Variants in BLTP1 observed in about 807,000 individuals in gnomAD.
BLTP1 encodes the protein bridge-like lipid transfer protein family member 1.
chr4:122,284,778 G>T, the BLTP1 span, among the ~76,000 whole-genome samples: 2 of 152,084 alleles, frequency 1.3e-5, no homozygotes, highest in Non-Finnish European at 2.9e-5. Flanking sequence ...ATCTCTTGTT[G>T]TGCCTGATTT....
At chr4:122,196,382 G>A in the BLTP1 span, among the ~76,000 whole-genome samples, 1 of 152,078 alleles carries the variant, frequency 6.6e-6, no homozygotes, top group Non-Finnish European at 1.5e-5. Context: ...TTATATACTT[G>A]TAGAGAGTCT....
chr4:122,232,682 G>A, the BLTP1 span, among the ~76,000 whole-genome samples: 3 of 152,084 alleles, frequency 2.0e-5, no homozygotes, highest in South Asian at 6.2e-4. Context: ...TATAGAAGAG[G>A]AACACTGAAC....
chr4:122,205,499 T>TTC, the BLTP1 span, among the ~76,000 whole-genome samples: 11,624 of 140,794 alleles, frequency 0.083, 612 homozygotes, highest in African/African-American at 0.12. Context: ...TTCCAATTGT[T>TTC]TCTCTCTCTC....
the BLTP1 span, chr4:122,261,852 T>C: frequency 2.0e-6 from 2 of 985,412 alleles, no homozygotes; most frequent in Non-Finnish European, 2.4e-6. Context: ...GTCAACACCC[T>C]TCCTCCACCT....
the BLTP1 span, among the ~76,000 whole-genome samples, chr4:122,352,365 T>C: frequency 1.4e-5 from 2 of 147,732 alleles, no homozygotes; most frequent in East Asian, 1.9e-4. Context: ...CTTTTTTTTT[T>C]TTTTTTTTTT....
the BLTP1 span, chr4:122,359,757 A>ATGGGT: frequency 4.5e-6 from 7 of 1,561,852 alleles, no homozygotes; most frequent in Non-Finnish European, 6.0e-6. Context: ...CCCATATGCT[A>ATGGGT]AGGGATTACT....
the BLTP1 span, chr4:122,250,442 C>T: frequency 6.2e-7 from 1 of 1,613,776 alleles, no homozygotes; most frequent in Non-Finnish European, 8.5e-7. Context: ...GGGTGGAGTG[C>T]TGACATCCAA....
At chr4:122,203,115 G>C in the BLTP1 span, among the ~76,000 whole-genome samples, 1 of 151,802 alleles carries the variant, frequency 6.6e-6, no homozygotes, top group African/African-American at 2.4e-5. Flanking sequence ...GAACCTACTT[G>C]GTCATAGTGT....
At chr4:122,220,280 C>T in the BLTP1 span, 1 of 1,580,090 alleles carries the variant, frequency 6.3e-7, no homozygotes, top group Non-Finnish European at 8.6e-7. Flanking sequence ...TCCTATACTT[C>T]CTTACTTTTT....
At chr4:122,207,242 G>A in the BLTP1 span, 1 of 1,609,124 alleles carries the variant, frequency 6.2e-7, no homozygotes, top group East Asian at 2.2e-5. Context: ...TGGATCGACT[G>A]TTCTACTAAA....
At chr4:122,336,332 C>A in the BLTP1 span, 1 of 1,609,072 alleles carries the variant, frequency 6.2e-7, no homozygotes, top group South Asian at 1.1e-5. Flanking sequence ...CCCAATTACA[C>A]CAGTTGAAAG....
At chr4:122,361,540 AATC>A in the BLTP1 span, among the ~76,000 whole-genome samples, 2 of 152,174 alleles carry the variant, frequency 1.3e-5, no homozygotes, top group Non-Finnish European at 2.9e-5. Flanking sequence ...CTGTTGGATA[AATC>A]ATCAATACAG....
At chr4:122,190,950 G>GTGCA in the BLTP1 span, among the ~76,000 whole-genome samples, 1 of 152,146 alleles carries the variant, frequency 6.6e-6, no homozygotes, top group Non-Finnish European at 1.5e-5. Flanking sequence ...TGTGCTAATG[G>GTGCA]TGCAGAGCAA....
chr4:122,287,482 A>T, the BLTP1 span: 1 of 610,218 alleles, frequency 1.6e-6, no homozygotes, highest in Admixed American at 6.3e-5. Flanking sequence ...CCTAGCTATC[A>T]ACTGAGAGAG....
At chr4:122,253,767 G>A in the BLTP1 span, among the ~76,000 whole-genome samples, 4 of 152,094 alleles carry the variant, frequency 2.6e-5, no homozygotes, top group African/African-American at 4.8e-5. Context: ...CCCAAACCTT[G>A]AGAAAGATAT....
the BLTP1 span, among the ~76,000 whole-genome samples, chr4:122,242,653 T>G: frequency 6.6e-6 from 1 of 152,190 alleles, no homozygotes; most frequent in South Asian, 2.1e-4. Context: ...TTTCTGTGGC[T>G]CTCTTTCCCA....
the BLTP1 span, chr4:122,188,193 A>T: frequency 8.2e-7 from 1 of 1,214,862 alleles, no homozygotes; most frequent in Non-Finnish European, 1.1e-6. Context: ...TTGTACAAAA[A>T]TTAGGTATAT....
chr4:122,231,767 A>G, the BLTP1 span: 1 of 974,764 alleles, frequency 1.0e-6, no homozygotes, highest in Non-Finnish European at 1.2e-6. Context: ...ATAAATCGAC[A>G]TATTCATTTC....
chr4:122,235,767 T>A, the BLTP1 span: 1 of 151,820 alleles, frequency 6.6e-6, no homozygotes, highest in African/African-American at 2.4e-5. Context: ...ATGGCGCCAC[T>A]GCACTCCAGC....
Sources: gnomAD v4.1 joint callset for allele counts (sites outside exome capture counted in the v4.1 genomes callset) on GRCh38, gnomAD v4.1.1 for gene constraint, MANE v1.5 for transcripts, NCBI Gene and HGNC (gene_info 2026-07-23, HGNC 2026-07-21) for gene names.